The following ADGRB3 variants were observed in gnomAD, a reference collection of about 807,000 sequenced individuals.
ADGRB3 encodes adhesion G protein-coupled receptor B3, also known as brain-specific angiogenesis inhibitor 3.
Under a neutral mutation model 193.4 loss-of-function variants are expected in ADGRB3, and 37 were observed. The observed-to-expected ratio is 0.19, with a 90% CI of 0.15 to 0.25. ADGRB3 has a LOEUF of 0.25. Among genes scored for constraint, ADGRB3 ranks in the 10% least tolerant of loss-of-function variants. ADGRB3 has a pLI of 1.00. For missense variants in ADGRB3, 1,637 were observed against 1,852.9 expected, an observed-to-expected ratio of 0.88 and a Z score of 2.14; for synonymous variants, 690 against 644.2, an observed-to-expected ratio of 1.07 and a Z score of -1.08.
Position 69,361,362 on chromosome 6 carries a change from A to T in ADGRB3, c.4089A>T (p.Leu1363Phe), listed in dbSNP as rs762176316. Residue 1363 changes from leucine to phenylalanine, a missense_variant, in exon 29 of 32, where the codon TTA becomes TTT. By Grantham distance (22) the Leu-to-Phe change is conservative. This residue lies in a region of ADGRB3 where 368 missense variants were observed against 367.4 expected (regional missense o/e 1.00). Coordinates refer to ENST00000370598, the MANE Select transcript of ADGRB3 (RefSeq NM_001704.3). ...PPVMDQFNMNLEQHLAPQEHM... is the reference protein window; with the variant it reads ...PPVMDQFNMNFEQHLAPQEHM... Reference sequence around the variant, plus strand: ...TAATGGACCAGTTCAATATGAACTTAGAGCAACATCTCGCACCCCAGGAAC... The same window carrying T: ...TAATGGACCAGTTCAATATGAACTTTGAGCAACATCTCGCACCCCAGGAAC... The T allele has an allele frequency of 6.2e-7, 1 of 1,613,094 alleles. No individual in the cohort carries two copies. Among genetic ancestry groups the T allele is most frequent in the Non-Finnish European group, 8.5e-7 (1 of 1,179,286 alleles).
intron 17 of ADGRB3, among the ~76,000 whole-genome samples, chr6:69,109,946 ATTTTT>A (rs33959992): frequency 7.7e-6 from 1 of 129,644 alleles, no homozygotes; most frequent in Admixed American, 7.9e-5. Flanking sequence ...GCCTTCTTTA[ATTTTT>A]TTTTTTTTTT....
At chr6:68,974,056 A>T (rs974212823) in intron 8 of ADGRB3, among the ~76,000 whole-genome samples, 1 of 152,204 alleles carries the variant, frequency 6.6e-6, no homozygotes, top group African/African-American at 2.4e-5. Context: ...GTAAAAAGTT[A>T]CGTATTTTTA....
At chr6:69,102,419 A>G (rs1302712103) in intron 17 of ADGRB3, among the ~76,000 whole-genome samples, 1 of 152,204 alleles carries the variant, frequency 6.6e-6, no homozygotes, top group Non-Finnish European at 1.5e-5. Context: ...TGTACATTTT[A>G]AATGTTTTTA....
intron 31 of ADGRB3, among the ~76,000 whole-genome samples, chr6:69,384,690 A>G (rs1444131936): frequency 6.6e-6 from 1 of 152,016 alleles, no homozygotes; most frequent in Non-Finnish European, 1.5e-5. Flanking sequence ...CTTTTCTAGA[A>G]GAGATTTATA....
At chr6:68,883,474 G>A (rs529387765) in intron 3 of ADGRB3, among the ~76,000 whole-genome samples, 4 of 152,290 alleles carry the variant, frequency 2.6e-5, no homozygotes, top group African/African-American at 4.8e-5. Context: ...AATAAATCTT[G>A]TTGCTTCTCG....
At chr6:69,196,295 G>T (rs990346847) in intron 17 of ADGRB3, among the ~76,000 whole-genome samples, 1 of 152,038 alleles carries the variant, frequency 6.6e-6, no homozygotes, top group Non-Finnish European at 1.5e-5. Flanking sequence ...GATCTGTCAG[G>T]CTGGTCTTCA....
At chr6:68,980,115 A>C (rs1768865814) in intron 10 of ADGRB3, among the ~76,000 whole-genome samples, 1 of 151,602 alleles carries the variant, frequency 6.6e-6, no homozygotes, top group South Asian at 2.1e-4. Flanking sequence ...TTCCATAGGG[A>C]AATATGAAGA....
chr6:68,879,213 C>CTTT lies in ADGRB3; in HGVS notation c.758-51325_758-51323dup, dbSNP rs529789046. On this transcript the variant is annotated intron_variant, in intron 3 of 31. Coordinates refer to ENST00000370598, the MANE Select transcript of ADGRB3 (RefSeq NM_001704.3). ...CTCTTTTCTGCTTTACTTTTTGTCGCTTTTTTTTTTTTTTTTTTTTTTTGA... is the reference window on the plus strand; with the variant it reads ...CTCTTTTCTGCTTTACTTTTTGTCGCTTTTTTTTTTTTTTTTTTTTTTTTTTGA... Among the ~76,000 whole-genome samples the CTTT allele has an allele frequency of 2.1e-3, 192 of 91,912 alleles. 2 individuals carry two copies. The highest frequency in any genetic ancestry group is 6.3e-3 in the Middle Eastern group (1 of 158). The allele number at this position is 91,912 out of a possible 152,430, so 60.3% of individuals were successfully genotyped here. A position where few individuals can be genotyped will look rare whatever the true frequency, so the allele number is the denominator to read the frequency against.
At chr6:68,714,808 A>T (rs185824588) in intron 3 of ADGRB3, among the ~76,000 whole-genome samples, 1 of 151,906 alleles carries the variant, frequency 6.6e-6, no homozygotes, top group Non-Finnish European at 1.5e-5. Flanking sequence ...TTGGAATTAC[A>T]TCTGGAATTC....
chr6:69,182,721 G>A (rs892548102), intron 17 of ADGRB3, among the ~76,000 whole-genome samples: 4 of 152,060 alleles, frequency 2.6e-5, no homozygotes, highest in Non-Finnish European at 5.9e-5. Context: ...CGATTGGTAA[G>A]CTGGTAAATG....
At chr6:69,260,599 T>G (rs7744929) in intron 20 of ADGRB3, among the ~76,000 whole-genome samples, 9,574 of 152,118 alleles carry the variant, frequency 0.063, 808 homozygotes, top group African/African-American at 0.18. Context: ...TAAGAGTGAA[T>G]GGAAATATGT....
chr6:68,792,540 A>G (rs1334898185), intron 3 of ADGRB3, among the ~76,000 whole-genome samples: 1 of 152,120 alleles, frequency 6.6e-6, no homozygotes, highest in Non-Finnish European at 1.5e-5. Flanking sequence ...CCTGTCTCTG[A>G]GCTGAATTCC....
intron 3 of ADGRB3, among the ~76,000 whole-genome samples, chr6:68,756,516 T>A (rs1645411748): frequency 6.6e-6 from 1 of 152,140 alleles, no homozygotes; most frequent in African/African-American, 2.4e-5. Context: ...GGCTTCTTAT[T>A]TTTGAAAATC....
intron 3 of ADGRB3, among the ~76,000 whole-genome samples, chr6:68,804,971 G>A (rs892205636): frequency 2.0e-5 from 3 of 151,092 alleles, no homozygotes; most frequent in Non-Finnish European, 2.9e-5. Flanking sequence ...TCTGTTACCC[G>A]GGCTGGAGTG....
At chr6:68,662,705 T>C (rs1475690061) in intron 3 of ADGRB3, among the ~76,000 whole-genome samples, 2 of 151,432 alleles carry the variant, frequency 1.3e-5, no homozygotes, top group Non-Finnish European at 3.0e-5. Flanking sequence ...GAACACAATG[T>C]ATCATCTATA....
At chr6:69,113,355 A>C (rs534421032) in intron 17 of ADGRB3, among the ~76,000 whole-genome samples, 3 of 152,110 alleles carry the variant, frequency 2.0e-5, no homozygotes, top group Admixed American at 2.0e-4. Flanking sequence ...ATATGTGTAT[A>C]TGTATCATAT....
rs142372047 is a variant in ADGRB3, at chr6:68,993,868, A to C, written c.1835A>C (p.Tyr612Ser). Residue 612 changes from tyrosine to serine, a missense_variant, in exon 11 of 32, where the codon TAT becomes TCT. Physicochemically the swap from Tyr to Ser is moderately radical, Grantham distance 144. Transcript: ENST00000370598. Reference protein sequence around the residue: ...LLDLTQRKNFYAGDLLMSVEI... With the variant: ...LLDLTQRKNFSAGDLLMSVEI... Reference sequence around the variant, plus strand: ...GATTTAACTCAGAGAAAAAATTTCTATGCAGGCGATCTTCTGATGTCTGTG... The same window carrying C: ...GATTTAACTCAGAGAAAAAATTTCTCTGCAGGCGATCTTCTGATGTCTGTG... 1 of 1,614,004 alleles carries C rather than the reference A, an allele frequency of 6.2e-7. No homozygotes were observed. Among genetic ancestry groups the C allele is most frequent in the Non-Finnish European group, 8.5e-7 (1 of 1,179,892 alleles).
At chr6:69,109,884 A>G (rs1433457898) in intron 17 of ADGRB3, among the ~76,000 whole-genome samples, 1 of 152,096 alleles carries the variant, frequency 6.6e-6, no homozygotes, top group East Asian at 1.9e-4. Context: ...ATTGAGTATA[A>G]TTAATAGCCA....
intron 11 of ADGRB3, among the ~76,000 whole-genome samples, chr6:68,994,916 G>A (rs1562114567): frequency 6.6e-6 from 1 of 151,944 alleles, no homozygotes; most frequent in Non-Finnish European, 1.5e-5. Context: ...AGCTATTGAA[G>A]GAAAGAGGAA....
Sources: gnomAD v4.1 joint callset for allele counts (sites outside exome capture counted in the v4.1 genomes callset) on GRCh38, gnomAD v4.1.1 for gene constraint, gnomAD v4.1.1 regional missense constraint, MANE v1.5 for transcripts, NCBI Gene and HGNC (gene_info 2026-07-23, HGNC 2026-07-21) for gene names.